The following CDH13 variants were observed in gnomAD, a reference collection of about 807,000 sequenced individuals.
CDH13 encodes the protein cadherin 13, also known as cadherin-13.
CDH13 carries 24 observed loss-of-function variants against 63.8 expected under a neutral mutation model. The ratio of observed to expected loss-of-function variants is 0.38; its 90% CI spans 0.27 to 0.53. The LOEUF (loss-of-function observed/expected upper bound fraction) is 0.53. Among genes scored for constraint, CDH13 ranks in the 20% least tolerant of loss-of-function variants. CDH13 has a pLI of 0.85. For missense variants in CDH13, 1,049 were observed against 903.1 expected (o/e 1.16, Z -2.07); for synonymous variants, 503 against 355.3 (o/e 1.42, Z -4.67).
chr16:83,308,745 G>T (rs2089935459), intron 5 of CDH13, among the ~76,000 whole-genome samples: 2 of 152,216 alleles, frequency 1.3e-5, no homozygotes, highest in African/African-American at 4.8e-5. Context: ...TATGTGGGAA[G>T]TTCAGAGCTG....
At chr16:83,304,360 A>G (rs902807014) in intron 5 of CDH13, among the ~76,000 whole-genome samples, 15 of 152,180 alleles carry the variant, frequency 9.9e-5, no homozygotes, top group Non-Finnish European at 2.1e-4. Context: ...GTAATTTTAG[A>G]AGGAGTCTGA....
At chr16:82,822,274 A>T (rs1567570038) in intron 1 of CDH13, among the ~76,000 whole-genome samples, 1 of 152,186 alleles carries the variant, frequency 6.6e-6, no homozygotes, top group Non-Finnish European at 1.5e-5. Flanking sequence ...ATGTCTACAC[A>T]AATGAGTACT....
intron 5 of CDH13, among the ~76,000 whole-genome samples, chr16:83,258,493 T>C (rs1317475609): frequency 6.6e-6 from 1 of 152,174 alleles, no homozygotes; most frequent in African/African-American, 2.4e-5. Flanking sequence ...CTGTTACTGA[T>C]GATGATCAAG....
chr16:82,692,213 A>C (rs759659869), intron 1 of CDH13, among the ~76,000 whole-genome samples: 12 of 152,240 alleles, frequency 7.9e-5, no homozygotes. Flanking sequence ...TTTACCCAGC[A>C]TGGTAACTTC....
At chr16:83,424,002 A>G (rs1472165422) in intron 6 of CDH13, among the ~76,000 whole-genome samples, 2 of 152,198 alleles carry the variant, frequency 1.3e-5, no homozygotes, top group Non-Finnish European at 2.9e-5. Flanking sequence ...TAGAAGAGGG[A>G]AATCCAACAT....
At chr16:83,222,272 G>A (rs2039721439) in intron 5 of CDH13, among the ~76,000 whole-genome samples, 2 of 152,176 alleles carry the variant, frequency 1.3e-5, no homozygotes, top group Admixed American at 1.3e-4. Flanking sequence ...GGTCAAGAAT[G>A]TTGTCATAAA....
intron 8 of CDH13, among the ~76,000 whole-genome samples, chr16:83,651,526 A>T (rs571702793): frequency 6.6e-6 from 1 of 152,022 alleles, no homozygotes; most frequent in African/African-American, 2.4e-5. Flanking sequence ...CAAAGATAAC[A>T]AGATGCAGCT....
At chr16:83,288,175 C>T (rs1371377418) in intron 5 of CDH13, among the ~76,000 whole-genome samples, 1 of 152,110 alleles carries the variant, frequency 6.6e-6, no homozygotes, top group East Asian at 1.9e-4. Flanking sequence ...TTGGTGCCTC[C>T]TTTGAGATGG....
chr16:83,416,953 T>G (rs1354399053), intron 6 of CDH13, among the ~76,000 whole-genome samples: 1 of 152,236 alleles, frequency 6.6e-6, no homozygotes, highest in Non-Finnish European at 1.5e-5. Flanking sequence ...TGTTAAGTAC[T>G]GTTTAGCTAT....
At chr16:83,567,023 C>G (rs1269162984) in intron 7 of CDH13, among the ~76,000 whole-genome samples, 1 of 152,182 alleles carries the variant, frequency 6.6e-6, no homozygotes, top group Non-Finnish European at 1.5e-5. Flanking sequence ...TCATACAGTT[C>G]TAGGCTCTGT....
chr16:83,141,475 G>A (rs559317180), intron 4 of CDH13, among the ~76,000 whole-genome samples: 8 of 152,136 alleles, frequency 5.3e-5, no homozygotes, highest in East Asian at 1.9e-4. Context: ...ATTTCTCTTC[G>A]CAGTGTTCTT....
chr16:83,112,751 A>C (rs554963046), intron 3 of CDH13, among the ~76,000 whole-genome samples: 2 of 152,194 alleles, frequency 1.3e-5, no homozygotes, highest in East Asian at 3.8e-4. Flanking sequence ...ATTGTTTTTC[A>C]GTAAAATATC....
At chr16:82,750,933 C>T (rs887423297) in intron 1 of CDH13, among the ~76,000 whole-genome samples, 24 of 152,190 alleles carry the variant, frequency 1.6e-4, no homozygotes, top group African/African-American at 5.8e-4. Context: ...AATTTAGACA[C>T]ATAATCTTCA....
At chr16:83,714,088 G>A (rs1191471289) in intron 10 of CDH13, among the ~76,000 whole-genome samples, 4 of 152,190 alleles carry the variant, frequency 2.6e-5, no homozygotes, top group South Asian at 2.1e-4. Context: ...GCAGTGAGTG[G>A]AGGGGGGGCT....
Position 83,020,536 on chromosome 16 carries a change from T to C in CDH13, c.158-11474T>C, listed in dbSNP as rs4476164. ...CCACTCAAAAATGGGGCCACCCTGC[T>C]GCTCAGCATAACAGTTTGCTATTAG... On this transcript the variant is annotated intron_variant, in intron 2 of 13. Coordinates refer to ENST00000567109, the MANE Select transcript of CDH13 (RefSeq NM_001257.5). 2.2e-4 allele frequency among the ~76,000 whole-genome samples: 34 copies of C among 152,340 alleles called. No homozygotes were observed. In the South Asian group the frequency reaches 7.0e-3, roughly 32 times the overall value.
intron 1 of CDH13, among the ~76,000 whole-genome samples, chr16:82,758,085 G>A (rs1268801238): frequency 9.9e-5 from 15 of 152,078 alleles, no homozygotes; most frequent in Admixed American, 7.2e-4. Context: ...TGACCGGTGA[G>A]TGCCAAGCCC....
chr16:82,792,514 A>C (rs1211035650), intron 1 of CDH13, among the ~76,000 whole-genome samples: 1 of 152,154 alleles, frequency 6.6e-6, no homozygotes, highest in Non-Finnish European at 1.5e-5. Flanking sequence ...CCTGAGGACC[A>C]TTTATAAGTT....
At chr16:83,219,531 A>G (rs2039635437) in intron 5 of CDH13, among the ~76,000 whole-genome samples, 1 of 152,254 alleles carries the variant, frequency 6.6e-6, no homozygotes, top group African/African-American at 2.4e-5. Context: ...AAGCATTTAG[A>G]AAATGCTGGA....
At chr16:82,654,661 A>C (rs11864824) in intron 1 of CDH13, among the ~76,000 whole-genome samples, 1 of 151,828 alleles carries the variant, frequency 6.6e-6, no homozygotes, top group African/African-American at 2.4e-5. Context: ...GGGGGCAGAC[A>C]TCCTTAGGGG....
Sources: allele counts gnomAD v4.1 joint callset (sites outside exome capture counted in the v4.1 genomes callset), GRCh38; gene constraint gnomAD v4.1.1; transcripts MANE v1.5; gene names NCBI Gene and HGNC (gene_info 2026-07-23, HGNC 2026-07-21).